CADM2: variants seen among roughly 807,000 people sequenced by gnomAD.
CADM2 encodes the protein cell adhesion molecule 2, also known as immunoglobulin superfamily member 4D.
Under a neutral mutation model 49.8 loss-of-function variants are expected in CADM2, and 12 were observed. The ratio of observed to expected loss-of-function variants is 0.24; its 90% CI spans 0.15 to 0.39. The LOEUF (loss-of-function observed/expected upper bound fraction) is 0.39. CADM2 is among the 10% of genes least tolerant of loss of function. The pLI, the probability that CADM2 is intolerant of heterozygous loss-of-function variation, is 1.00. For missense variants in CADM2, 378 were observed against 492.3 expected (o/e 0.77, Z 2.20); for synonymous variants, 214 against 175.4 (o/e 1.22, Z -1.74).
intron 3 of CADM2, among the ~76,000 whole-genome samples, chr3:85,845,928 G>T (rs1348059909): frequency 6.6e-6 from 1 of 152,066 alleles, no homozygotes; most frequent in Admixed American, 6.6e-5. Context: ...TACACTGGTG[G>T]CCTTGGGTTC....
chr3:85,970,813 G>A (rs1244674545), intron 8 of CADM2, among the ~76,000 whole-genome samples: 2 of 151,506 alleles, frequency 1.3e-5, no homozygotes, highest in Non-Finnish European at 1.5e-5. Context: ...AATCTTTGAT[G>A]AAATTTATAT....
rs114174831 is a variant in CADM2 at position 85,269,157 on chromosome 3, T to G, written c.61+309489T>G. Among the ~76,000 whole-genome samples the G allele has an allele frequency of 6.9e-3, 1,051 of 151,464 alleles. 10 individuals are homozygous for G. The highest frequency in any genetic ancestry group is 0.023 in the African/African-American group (964 of 41,466). On this transcript the variant is annotated intron_variant, in intron 1 of 9. Coordinates refer to ENST00000383699, the MANE Select transcript of CADM2 (RefSeq NM_001167675.2). ...AATTAACACAAAATCTAGGGAAACA[T>G]TTTTAAAGACTGTAATAAAAATTAA...
intron 1 of CADM2, among the ~76,000 whole-genome samples, chr3:85,625,968 A>G (rs957678333): frequency 1.1e-4 from 17 of 152,158 alleles, no homozygotes; most frequent in African/African-American, 4.1e-4. Context: ...GTATAAAGCA[A>G]TATTGTTTGA....
chr3:85,468,334 C>A (rs1002630407), intron 1 of CADM2, among the ~76,000 whole-genome samples: 4 of 152,064 alleles, frequency 2.6e-5, no homozygotes, highest in Admixed American at 2.6e-4. Context: ...TGTGTCTAAG[C>A]CCCCAGTCTG....
At chr3:84,967,900 A>C (rs1265452065) in intron 1 of CADM2, among the ~76,000 whole-genome samples, 1 of 151,996 alleles carries the variant, frequency 6.6e-6, no homozygotes, top group Non-Finnish European at 1.5e-5. Flanking sequence ...AAATGGCAAA[A>C]AGAAGGGGAA....
At chr3:85,845,290 C>T (rs2074831324) in intron 3 of CADM2, among the ~76,000 whole-genome samples, 1 of 152,018 alleles carries the variant, frequency 6.6e-6, no homozygotes, top group South Asian at 2.1e-4. Context: ...CCGGGCCAGT[C>T]ACAAGATAGA....
intron 8 of CADM2, among the ~76,000 whole-genome samples, chr3:86,055,480 G>GTTTT (rs1737837429): frequency 8.5e-5 from 4 of 47,098 alleles, no homozygotes; most frequent in African/African-American, 3.5e-4. Context: ...TTTTTTTTTT[G>GTTTT]GTTTTAGAGG....
intron 1 of CADM2, among the ~76,000 whole-genome samples, chr3:85,307,633 G>C (rs1236812251): frequency 1.3e-5 from 2 of 151,652 alleles, no homozygotes; most frequent in Non-Finnish European, 3.0e-5. Context: ...ATAATGCTTT[G>C]TGATGTGAGA....
intron 1 of CADM2, among the ~76,000 whole-genome samples, chr3:85,352,125 T>C (rs1157697187): frequency 1.3e-5 from 2 of 152,156 alleles, no homozygotes; most frequent in African/African-American, 4.8e-5. Context: ...ACTTATATTT[T>C]AGTTTGTGTT....
intron 1 of CADM2, among the ~76,000 whole-genome samples, chr3:85,625,443 T>C (rs1334074767): frequency 6.6e-6 from 1 of 152,196 alleles, no homozygotes; most frequent in East Asian, 1.9e-4. Flanking sequence ...TAAATAAATA[T>C]TAAACAGTCA....
intron 1 of CADM2, among the ~76,000 whole-genome samples, chr3:85,212,861 TC>T (rs1264614350): frequency 5.4e-5 from 7 of 130,232 alleles, no homozygotes; most frequent in African/African-American, 2.0e-4. Flanking sequence ...TTTCTTTCTT[TC>T]TTTCTTTCTT....
chr3:85,341,639 C>A (rs1321081612), intron 1 of CADM2, among the ~76,000 whole-genome samples: 1 of 151,948 alleles, frequency 6.6e-6, no homozygotes, highest in Admixed American at 6.6e-5. Flanking sequence ...GCCACCATGG[C>A]ACAGGTATAC....
chr3:85,309,657 A>C (rs1030761557), intron 1 of CADM2, among the ~76,000 whole-genome samples: 1 of 152,182 alleles, frequency 6.6e-6, no homozygotes, highest in Non-Finnish European at 1.5e-5. Flanking sequence ...TTTAATACCC[A>C]CTAGAAGTTT....
At chr3:85,228,500 G>A (rs1357681972) in intron 1 of CADM2, among the ~76,000 whole-genome samples, 2 of 151,764 alleles carry the variant, frequency 1.3e-5, no homozygotes, top group African/African-American at 2.4e-5. Flanking sequence ...ATAGGGATTT[G>A]GTGTGGACGT....
intron 8 of CADM2, among the ~76,000 whole-genome samples, chr3:86,034,924 C>A (rs762181335): frequency 6.6e-6 from 1 of 151,950 alleles, no homozygotes; most frequent in Non-Finnish European, 1.5e-5. Context: ...CCTACTTCTG[C>A]TGCTTTGTTG....
intron 1 of CADM2, among the ~76,000 whole-genome samples, chr3:85,106,397 C>T (rs565033890): frequency 6.6e-6 from 1 of 152,122 alleles, no homozygotes; most frequent in East Asian, 1.9e-4. Context: ...TACTTTCTTC[C>T]ATTTGTAGCA....
intron 1 of CADM2, among the ~76,000 whole-genome samples, chr3:85,374,128 C>T (rs573321678): frequency 2.9e-4 from 44 of 152,144 alleles, no homozygotes; most frequent in African/African-American, 1.0e-3. Context: ...GTTTTATGCT[C>T]TGCTTCCCTT....
At chr3:84,994,754 C>A (rs546431152) in intron 1 of CADM2, among the ~76,000 whole-genome samples, 52 of 152,154 alleles carry the variant, frequency 3.4e-4, no homozygotes, top group African/African-American at 1.3e-3. Flanking sequence ...TTCGGCTGGG[C>A]GTGGTGCCTC....
intron 8 of CADM2, among the ~76,000 whole-genome samples, chr3:85,978,928 T>A (rs949821942): frequency 1.3e-5 from 2 of 150,264 alleles, no homozygotes; most frequent in Non-Finnish European, 3.0e-5. Flanking sequence ...CTCTAAATAT[T>A]GAAAATAACC....
Sources: allele counts gnomAD v4.1 joint callset (sites outside exome capture counted in the v4.1 genomes callset), GRCh38; gene constraint gnomAD v4.1.1; transcripts MANE v1.5; gene names NCBI Gene and HGNC (gene_info 2026-07-23, HGNC 2026-07-21).